Variants in NT5C2 observed in about 807,000 individuals in gnomAD.
NT5C2 encodes cytosolic purine 5'-nucleotidase.
Under a neutral mutation model 76.1 loss-of-function variants are expected in NT5C2, and 58 were observed. The ratio of observed to expected loss-of-function variants is 0.76; its 90% CI spans 0.62 to 0.95. NT5C2 has a LOEUF of 0.95. NT5C2 is among the 40% of genes least tolerant of loss of function. The pLI, the probability that NT5C2 is intolerant of heterozygous loss-of-function variation, is 0.00. For synonymous variants in NT5C2, 229 were observed against 237.4 expected, an observed-to-expected ratio of 0.96 and a Z score of 0.32; for missense variants, 478 against 690.3, an observed-to-expected ratio of 0.69 and a Z score of 3.45.
At chr10:103,142,414 C>T (rs989982070) in intron 3 of NT5C2, among the ~76,000 whole-genome samples, 1 of 152,078 alleles carries the variant, frequency 6.6e-6, no homozygotes, top group African/African-American at 2.4e-5. Context: ...TAGTAGCTCA[C>T]GCCTGTAATC....
intron 4 of NT5C2, chr10:103,111,639 C>T: frequency 1.4e-6 from 1 of 740,464 alleles, no homozygotes; most frequent in Non-Finnish European, 1.9e-6. Context: ...TTTACCATTG[C>T]CACCAAGACA....
chr10:103,097,891 CAT>C (rs2068593573), intron 10 of NT5C2: 1 of 409,294 alleles, frequency 2.4e-6, no homozygotes. Context: ...TCTAACCCCT[CAT>C]GTGCCTGGAA....
chr10:103,116,984 G>A (rs2074506947), intron 4 of NT5C2, among the ~76,000 whole-genome samples: 1 of 152,038 alleles, frequency 6.6e-6, no homozygotes, highest in Admixed American at 6.6e-5. Context: ...TTATTATTAG[G>A]TATTAATATT....
Position 103,090,963 on chromosome 10 carries a change from G to A in NT5C2, c.1245C>T (p.Asp415=). 6.2e-7 allele frequency: 1 copy of A among 1,613,914 alleles called. No individual in the cohort carries two copies. Among genetic ancestry groups the A allele is most frequent in the Non-Finnish European group, 8.5e-7 (1 of 1,179,964 alleles). The change falls in exon 17 of 19, where the codon GAC becomes GAT. Residue 415 remains aspartate, a synonymous_variant. Transcript: ENST00000404739. ...HLDSSSNERP[D]ISSIQRRIKK... ...TAATACGTCTCTGGATGGAACTGATGTCTGGACGCTCATTGCTACTGCTGT... is the reference window on the plus strand; with the variant it reads ...TAATACGTCTCTGGATGGAACTGATATCTGGACGCTCATTGCTACTGCTGT...
At chr10:103,151,642 G>C (rs901007372) in intron 3 of NT5C2, among the ~76,000 whole-genome samples, 3 of 152,032 alleles carry the variant, frequency 2.0e-5, no homozygotes, top group African/African-American at 7.3e-5. Context: ...TAAAGCTCAA[G>C]TATAACTTTG....
chr10:103,102,017 C>T (rs561666548), intron 6 of NT5C2, among the ~76,000 whole-genome samples: 1 of 152,200 alleles, frequency 6.6e-6, no homozygotes, highest in South Asian at 2.1e-4. Context: ...GTACTACTGA[C>T]AGTTTTAAAG....
intron 4 of NT5C2, among the ~76,000 whole-genome samples, chr10:103,130,383 C>T (rs1273849347): frequency 1.3e-5 from 2 of 151,592 alleles, no homozygotes; most frequent in South Asian, 2.1e-4. Flanking sequence ...CATCACAAAT[C>T]CCTAATCTCA....
chr10:103,191,820 T>C (rs962182918), intron 1 of NT5C2, among the ~76,000 whole-genome samples: 2 of 152,140 alleles, frequency 1.3e-5, no homozygotes, highest in Non-Finnish European at 2.9e-5. Flanking sequence ...ACCTATACTG[T>C]TGAAATGTAG....
At chr10:103,119,855 C>G (rs1240551468) in intron 4 of NT5C2, among the ~76,000 whole-genome samples, 2 of 152,094 alleles carry the variant, frequency 1.3e-5, no homozygotes, top group African/African-American at 4.8e-5. Context: ...TCCCAGCACT[C>G]TGGAAGGCTG....
At chr10:103,165,438 A>G (rs1254834167) in intron 3 of NT5C2, among the ~76,000 whole-genome samples, 1 of 151,718 alleles carries the variant, frequency 6.6e-6, no homozygotes. Flanking sequence ...GGTTGCAGTG[A>G]GCCAACATCA....
At chr10:103,188,883 T>C (rs1467334446) in intron 1 of NT5C2, among the ~76,000 whole-genome samples, 1 of 151,936 alleles carries the variant, frequency 6.6e-6, no homozygotes, top group East Asian at 1.9e-4. Flanking sequence ...ATGCCTGTAT[T>C]CTCAGCATGC....
At chr10:103,122,716 C>G (rs2075902895) in intron 4 of NT5C2, among the ~76,000 whole-genome samples, 1 of 152,206 alleles carries the variant, frequency 6.6e-6, no homozygotes, top group East Asian at 1.9e-4. Context: ...TCATACTACT[C>G]TCATTTGAGA....
At chr10:103,111,832 C>T (rs2073111105) in intron 4 of NT5C2, 2 of 1,225,636 alleles carry the variant, frequency 1.6e-6, no homozygotes, top group South Asian at 4.1e-5. Flanking sequence ...AGCAACAAAA[C>T]AAAACAAAAA....
chr10:103,090,794 CA>C lies in NT5C2; in HGVS notation c.1273-8del. The stretch of plus-strand genomic sequence containing the variant: ...CCATGTCATGAGTTACTTTCTAAAA[CA>C]AAGAACAAGATTGATTCTTGGCTCA... On this transcript the variant is annotated splice_polypyrimidine_tract_variant and splice_region_variant and intron_variant, in intron 17 of 18. Transcript: ENST00000404739. The C allele has an allele frequency of 6.2e-7, 1 of 1,613,658 alleles. No homozygotes were observed. The highest frequency in any genetic ancestry group is 8.5e-7 in the Non-Finnish European group (1 of 1,179,816).
chr10:103,178,245 A>T (rs2090382115), intron 2 of NT5C2, among the ~76,000 whole-genome samples: 1 of 152,190 alleles, frequency 6.6e-6, no homozygotes, highest in Non-Finnish European at 1.5e-5. Flanking sequence ...GTAATATCTA[A>T]AACTATAAAA....
chr10:103,186,224 T>C (rs2091994104), intron 1 of NT5C2, among the ~76,000 whole-genome samples: 1 of 152,204 alleles, frequency 6.6e-6, no homozygotes, highest in Admixed American at 6.5e-5. Context: ...TACAGTTTCT[T>C]CCATTGCAAA....
chr10:103,110,461 G>A (rs1807298), intron 4 of NT5C2, among the ~76,000 whole-genome samples: 47,959 of 151,940 alleles, frequency 0.32, 7,655 homozygotes, highest in Middle Eastern at 0.36. Flanking sequence ...ATCTCAAAAA[G>A]CAAACAAACA....
At chr10:103,153,755 C>T in intron 3 of NT5C2, 1 of 982,086 alleles carries the variant, frequency 1.0e-6, no homozygotes, top group Non-Finnish European at 1.2e-6. Context: ...ACTCTGGGAG[C>T]AAAAAACACA....
At chr10:103,095,884 G>A (rs2068044908) in intron 12 of NT5C2, 55 bp downstream of exon 12, 11 of 1,471,598 alleles carry the variant, frequency 7.5e-6, no homozygotes, top group Non-Finnish European at 9.5e-6. Context: ...ATTCCAGAAT[G>A]ATTAAATGCA....
Sources: allele counts gnomAD v4.1 joint callset (sites outside exome capture counted in the v4.1 genomes callset), GRCh38; gene constraint gnomAD v4.1.1; transcripts MANE v1.5; gene names NCBI Gene and HGNC (gene_info 2026-07-23, HGNC 2026-07-21).